Variants in DLGAP2 observed in about 807,000 individuals in gnomAD.
The protein encoded by DLGAP2 is disks large-associated protein 2.
DLGAP2 carries 26 observed loss-of-function variants against 100.3 expected under a neutral mutation model. The observed-to-expected ratio is 0.26, with a 90% CI of 0.19 to 0.36. The LOEUF is 0.36. Among genes scored for constraint, DLGAP2 ranks in the 10% least tolerant of loss-of-function variants. The pLI is 1.00. For missense variants in DLGAP2, 1,858 were observed against 1,453.2 expected (o/e 1.28, Z -4.53); for synonymous variants, 886 against 630.1 (o/e 1.41, Z -6.08).
At chr8:1,499,531 C>T (rs1259113372) in intron 3 of DLGAP2, among the ~76,000 whole-genome samples, 1 of 152,146 alleles carries the variant, frequency 6.6e-6, no homozygotes, top group African/African-American at 2.4e-5. Flanking sequence ...GAGACCATTC[C>T]AGTCTGTGGT....
chr8:1,608,091 A>G (rs1371457968), intron 6 of DLGAP2, among the ~76,000 whole-genome samples: 2 of 90,380 alleles, frequency 2.2e-5, no homozygotes, highest in African/African-American at 8.3e-5. Flanking sequence ...GGGGCAGGGC[A>G]CAGACAAACA....
chr8:1,563,171 G>T (rs1802243678), intron 5 of DLGAP2, among the ~76,000 whole-genome samples: 1 of 67,240 alleles, frequency 1.5e-5, no homozygotes. Context: ...CCTCGTTACT[G>T]GGGGGCTGTG....
At chr8:1,167,257 A>G (rs1371774676) in intron 2 of DLGAP2, among the ~76,000 whole-genome samples, 7 of 152,216 alleles carry the variant, frequency 4.6e-5, no homozygotes, top group Non-Finnish European at 1.0e-4. Context: ...GTCTGACTCC[A>G]TGAAATTTAT....
At chr8:741,915 C>T (rs1230801327) in intron 1 of DLGAP2, among the ~76,000 whole-genome samples, 1 of 152,238 alleles carries the variant, frequency 6.6e-6, no homozygotes, top group African/African-American at 2.4e-5. Flanking sequence ...CATCAGTGCA[C>T]AGCCTTGCAG....
rs372550017 is a variant in DLGAP2, at chr8:1,358,779, G to A, written c.106+99896G>A. On this transcript the variant is annotated intron_variant, in intron 3 of 14. Coordinates refer to ENST00000637795, the MANE Select transcript of DLGAP2 (RefSeq NM_001346810.2). ...ATTCTTCTGCGGTGGGCTAAGCGGGGCTGGGCGGCCTGGAACCGAACTGCC... is the reference window on the plus strand; with the variant it reads ...ATTCTTCTGCGGTGGGCTAAGCGGGACTGGGCGGCCTGGAACCGAACTGCC... Among the ~76,000 whole-genome samples, 4 of 152,238 alleles carry A rather than the reference G, an allele frequency of 2.6e-5. No homozygotes were observed. In the East Asian group the frequency reaches 5.8e-4, roughly 22 times the overall value.
At chr8:1,321,224 T>C (rs1800892731) in intron 3 of DLGAP2, among the ~76,000 whole-genome samples, 1 of 151,482 alleles carries the variant, frequency 6.6e-6, no homozygotes, top group African/African-American at 2.4e-5. Flanking sequence ...TGCATGTGTG[T>C]GTGCATCTGT....
intron 7 of DLGAP2, among the ~76,000 whole-genome samples, 165 bp from the exon 8 acceptor site, chr8:1,632,662 G>T (rs761700440): frequency 6.6e-6 from 1 of 152,202 alleles, no homozygotes; most frequent in Non-Finnish European, 1.5e-5. Context: ...ACCCAATGCT[G>T]TATTTCCCAA....
At chr8:981,532 C>A (rs947606904) in intron 2 of DLGAP2, among the ~76,000 whole-genome samples, 9 of 152,138 alleles carry the variant, frequency 5.9e-5, no homozygotes, top group African/African-American at 2.2e-4. Context: ...CGCCGTTTTA[C>A]ATTTTACCAG....
At chr8:1,584,189 C>T (rs1243850449) in intron 6 of DLGAP2, among the ~76,000 whole-genome samples, 1 of 152,194 alleles carries the variant, frequency 6.6e-6, no homozygotes. Flanking sequence ...CGTCTTATGA[C>T]TCATTTGTCA....
At chr8:1,538,642 C>G (rs1286394678) in intron 4 of DLGAP2, among the ~76,000 whole-genome samples, 2 of 152,186 alleles carry the variant, frequency 1.3e-5, no homozygotes, top group Non-Finnish European at 2.9e-5. Flanking sequence ...CGCTTGCTTT[C>G]TGTTGCGAGT....
rs541482389 is a variant in DLGAP2 at position 1,041,306 on chromosome 8, G to A, written c.73+133340G>A. 9.7e-4 allele frequency among the ~76,000 whole-genome samples: 148 copies of A among 151,860 alleles called. 1 individual carries two copies. Among genetic ancestry groups the A allele is most frequent in the African/African-American group, 3.6e-3 (147 of 41,358 alleles). On this transcript the variant is annotated intron_variant, in intron 2 of 14. Coordinates refer to ENST00000637795, the MANE Select transcript of DLGAP2 (RefSeq NM_001346810.2). ...GTTAGCTTGGAGGTGCGTGGAGATC[G>A]CCCCTCGCAGCTACTCTCAGCCTTT...
chr8:1,320,659 G>A (rs188911101), intron 3 of DLGAP2, among the ~76,000 whole-genome samples: 3 of 152,240 alleles, frequency 2.0e-5, no homozygotes, highest in Admixed American at 6.5e-5. Flanking sequence ...CCCCAAGCAC[G>A]ACATTCTCAC....
intron 2 of DLGAP2, among the ~76,000 whole-genome samples, chr8:975,707 A>G (rs1237795744): frequency 6.6e-6 from 1 of 152,206 alleles, no homozygotes; most frequent in African/African-American, 2.4e-5. Context: ...TCTCTACAAA[A>G]TAAGAATACA....
At chr8:942,990 T>G (rs1373126805) in intron 2 of DLGAP2, among the ~76,000 whole-genome samples, 1 of 152,214 alleles carries the variant, frequency 6.6e-6, no homozygotes, top group Non-Finnish European at 1.5e-5. Flanking sequence ...CATCGGAGCC[T>G]GGGAGTTCGG....
chr8:1,510,053 C>T (rs1800106264), intron 4 of DLGAP2, among the ~76,000 whole-genome samples: 1 of 152,228 alleles, frequency 6.6e-6, no homozygotes, highest in Non-Finnish European at 1.5e-5. Flanking sequence ...TAACTGAAAA[C>T]ACAGACTTCT....
chr8:1,151,033 G>T (rs1025670063), intron 2 of DLGAP2, among the ~76,000 whole-genome samples: 1 of 152,074 alleles, frequency 6.6e-6, no homozygotes, highest in Non-Finnish European at 1.5e-5. Flanking sequence ...CTTTGTTTTT[G>T]ATTTGGTCCT....
intron 1 of DLGAP2, among the ~76,000 whole-genome samples, chr8:762,691 A>G (rs1362448705): frequency 6.6e-6 from 1 of 152,056 alleles, no homozygotes; most frequent in Non-Finnish European, 1.5e-5. Context: ...TGATTGAAGG[A>G]GACAGGGTCT....
chr8:1,190,581 C>G (rs1047979188), intron 2 of DLGAP2, among the ~76,000 whole-genome samples: 29 of 152,190 alleles, frequency 1.9e-4, no homozygotes, highest in South Asian at 6.2e-4. Flanking sequence ...CTGCGAGCCG[C>G]CTGTCGCAAT....
In DLGAP2 at chr8:1,668,390, G is replaced by A; in HGVS notation, c.1872G>A (p.Lys624=). ...CGGTGCCCCCTCGGACCACCTCCAAGCCTCTGATCTCGGTGACGGCGCAGA... is the reference window on the plus strand; with the variant it reads ...CGGTGCCCCCTCGGACCACCTCCAAACCTCTGATCTCGGTGACGGCGCAGA... ...PPPVPPRTTS[K]PLISVTAQSS... is the part of the protein sequence containing the mutation. Residue 624 remains lysine (K), a synonymous_variant, in exon 9 of 15, where the codon AAG becomes AAA. Coordinates refer to ENST00000637795, the MANE Select transcript of DLGAP2 (RefSeq NM_001346810.2). 6.2e-7 allele frequency: 1 copy of A among 1,601,812 alleles called. No homozygotes were observed. Among genetic ancestry groups the A allele is most frequent in the Non-Finnish European group, 8.5e-7 (1 of 1,174,332 alleles).
Sources: allele counts gnomAD v4.1 joint callset (sites outside exome capture counted in the v4.1 genomes callset), GRCh38; gene constraint gnomAD v4.1.1; transcripts MANE v1.5; gene names NCBI Gene and HGNC (gene_info 2026-07-23, HGNC 2026-07-21).